Variants in NUDT3 observed in about 807,000 individuals in gnomAD.
NUDT3 encodes the protein diphosphoinositol polyphosphate phosphohydrolase 1.
A neutral mutation model predicts 23.6 loss-of-function variants in NUDT3; 9 were observed. The observed-to-expected ratio is 0.38, with a 90% confidence interval of 0.23 to 0.66. The LOEUF is 0.66. Among genes scored for constraint, NUDT3 ranks in the 30% least tolerant of loss-of-function variants. The pLI is 0.52. For synonymous variants in NUDT3, 86 were observed against 82.6 expected, an observed-to-expected ratio of 1.04 and a Z score of -0.22; for missense variants, 172 against 218.5, an observed-to-expected ratio of 0.79 and a Z score of 1.34.
At chr6:34,360,148 G>A (rs1302184611) in intron 1 of NUDT3, among the ~76,000 whole-genome samples, 4 of 149,896 alleles carry the variant, frequency 2.7e-5, no homozygotes, top group African/African-American at 7.4e-5. Flanking sequence ...AAGATCACCT[G>A]AGCCTGGGGA....
intron 2 of NUDT3, among the ~76,000 whole-genome samples, chr6:34,333,202 TA>T (rs2113728258): frequency 6.6e-6 from 1 of 152,314 alleles, no homozygotes; most frequent in East Asian, 1.9e-4. Flanking sequence ...GGGAATATTT[TA>T]GCCCTCCCCT....
intron 2 of NUDT3, among the ~76,000 whole-genome samples, chr6:34,311,954 GCAAAA>G (rs1763780012): frequency 3.3e-5 from 5 of 152,114 alleles, no homozygotes; most frequent in Admixed American, 2.0e-4. Flanking sequence ...AATGTAAAAC[GCAAAA>G]CTATAATACT....
At chr6:34,316,870 C>A (rs1763869492) in intron 2 of NUDT3, among the ~76,000 whole-genome samples, 1 of 152,118 alleles carries the variant, frequency 6.6e-6, no homozygotes, top group African/African-American at 2.4e-5. Context: ...GTGACATGAT[C>A]TGATCTGGTT....
intron 2 of NUDT3, among the ~76,000 whole-genome samples, chr6:34,319,759 A>G (rs898452938): frequency 6.6e-6 from 1 of 152,200 alleles, no homozygotes; most frequent in African/African-American, 2.4e-5. Context: ...TTCTTCCTCT[A>G]ACATATGGGG....
rs1177581674 is a variant in NUDT3 at position 34,293,470 on chromosome 6, C to T, written c.321G>A (p.Trp107Ter). 2 of 1,614,156 alleles carry T rather than the reference C, an allele frequency of 1.2e-6. No homozygotes were observed. Among genetic ancestry groups the T allele is most frequent in the South Asian group, 1.1e-5 (1 of 91,082 alleles). Residue 107 changes from tryptophan to a stop codon, truncating the protein, a stop_gained, in exon 4 of 5, where the codon TGG (tryptophan) becomes TGA (stop). Transcript: ENST00000607016. LOFTEE classifies it high-confidence loss of function. ...GCTTACCAATGTTAACTGAATCTTCCCAGTCTTCCAGCACTTCAGTGACAA... is the reference window on the plus strand; with the variant it reads ...GCTTACCAATGTTAACTGAATCTTCTCAGTCTTCCAGCACTTCAGTGACAA... ...VLIVTEVLEDWEDSVNIGRKR... is the reference protein window; with the variant it reads ...VLIVTEVLED
chr6:34,354,390 A>G (rs1012876313), intron 1 of NUDT3, among the ~76,000 whole-genome samples: 2 of 118,594 alleles, frequency 1.7e-5, no homozygotes, highest in Non-Finnish European at 3.5e-5. Flanking sequence ...GTGAGATTTC[A>G]TTAAACACAC....
At chr6:34,291,539 G>C (rs951549778) in intron 4 of NUDT3, among the ~76,000 whole-genome samples, 1 of 151,698 alleles carries the variant, frequency 6.6e-6, no homozygotes, top group Admixed American at 6.6e-5. Flanking sequence ...AGTCTTATCT[G>C]TTGCCCAGGC....
chr6:34,348,008 A>T (rs1764405756), intron 1 of NUDT3, among the ~76,000 whole-genome samples: 2 of 151,944 alleles, frequency 1.3e-5, no homozygotes, highest in South Asian at 2.1e-4. Context: ...AAATAAAAAT[A>T]AAAAATTAGG....
intron 4 of NUDT3, among the ~76,000 whole-genome samples, chr6:34,291,433 C>G (rs1271282719): frequency 6.6e-6 from 1 of 152,094 alleles, no homozygotes; most frequent in Non-Finnish European, 1.5e-5. Context: ...ACACTGATCC[C>G]CAGTCCTGCT....
At chr6:34,332,892 AG>A (rs1477721463) in intron 2 of NUDT3, among the ~76,000 whole-genome samples, 1 of 152,258 alleles carries the variant, frequency 6.6e-6, no homozygotes, top group African/African-American at 2.4e-5. Flanking sequence ...AAGAGAAGAC[AG>A]AACGGTTTCA....
Position 34,288,472 on chromosome 6 carries a change from C to A in NUDT3, c.*281G>T. On this transcript the variant is annotated 3_prime_UTR_variant, in exon 5 of 5. Coordinates refer to ENST00000607016, the MANE Select transcript of NUDT3 (RefSeq NM_006703.4). ...TCCAAGGCAGGGGAAGGCTGTTGGC[C>A]TCTCTTCAGAGGACTGCAGGGGTGG... is the stretch of plus-strand genomic sequence containing the variant. The A allele has an allele frequency of 3.4e-6, 1 of 294,556 alleles. No individual in the cohort carries two copies. Among genetic ancestry groups the A allele is most frequent in the Admixed American group, 5.2e-5 (1 of 19,400 alleles). The allele number at this position is 294,556 out of a possible 1,614,324, so 18.2% of individuals were successfully genotyped here. A position where few individuals can be genotyped will look rare whatever the true frequency, so the allele number is the denominator to read the frequency against.
intron 2 of NUDT3, among the ~76,000 whole-genome samples, chr6:34,306,289 G>A (rs1289808584): frequency 6.6e-6 from 1 of 152,150 alleles, no homozygotes; most frequent in East Asian, 1.9e-4. Context: ...TACTTCCTGT[G>A]TAGCAAGCTT....
rs888517866 is a variant in NUDT3, at chr6:34,285,215, G to A, written c.*3538C>T. The A allele has an allele frequency of 6.6e-6, 1 of 152,200 alleles. No individual in the cohort carries two copies. The highest frequency in any genetic ancestry group is 2.4e-5 in the African/African-American group (1 of 41,444). 9.4% of individuals were successfully genotyped at this position (152,200 alleles called of 1,614,324 possible). A position where few individuals can be genotyped will look rare whatever the true frequency, so the allele number is the denominator to read the frequency against. On this transcript the variant is annotated 3_prime_UTR_variant, in exon 5 of 5. Transcript: ENST00000607016. ...TCCATCCTGTTATATTTGCTGTGAGGAAAATTAAGATTCCTGTTGTATGGG... is the reference window on the plus strand; with the variant it reads ...TCCATCCTGTTATATTTGCTGTGAGAAAAATTAAGATTCCTGTTGTATGGG...
intron 1 of NUDT3, among the ~76,000 whole-genome samples, chr6:34,345,731 A>C (rs1393126297): frequency 6.6e-6 from 1 of 151,178 alleles, no homozygotes; most frequent in Non-Finnish European, 1.5e-5. Flanking sequence ...CTACACCTCA[A>C]TGGAGTAACC....
intron 4 of NUDT3, among the ~76,000 whole-genome samples, chr6:34,289,536 C>T (rs1027892536): frequency 6.6e-6 from 1 of 152,174 alleles, no homozygotes; most frequent in Admixed American, 6.5e-5. Context: ...CACTGCACTC[C>T]AGCAGGGTGA....
At chr6:34,367,557 A>C (rs2113757114) in intron 1 of NUDT3, among the ~76,000 whole-genome samples, 1 of 152,198 alleles carries the variant, frequency 6.6e-6, no homozygotes, top group Non-Finnish European at 1.5e-5. Flanking sequence ...TTTGTCATGT[A>C]AGTAAATAAA....
intron 1 of NUDT3, among the ~76,000 whole-genome samples, chr6:34,384,113 T>C (rs1765066985): frequency 6.6e-6 from 1 of 152,184 alleles, no homozygotes. Context: ...AGGTGCAGTC[T>C]GCAGAGACGT....
intron 1 of NUDT3, among the ~76,000 whole-genome samples, chr6:34,371,444 A>G (rs206924): frequency 0.33 from 49,487 of 151,750 alleles, 9,693 homozygotes; most frequent in African/African-American, 0.51. Context: ...CCAGCCTGGC[A>G]ACACAGCAAG....
At chr6:34,343,141 A>G (rs1183217195) in intron 1 of NUDT3, among the ~76,000 whole-genome samples, 1 of 152,224 alleles carries the variant, frequency 6.6e-6, no homozygotes, top group Admixed American at 6.5e-5. Flanking sequence ...ACTTACAAGT[A>G]CTATTTTTCA....
Sources: gnomAD v4.1 joint callset for allele counts (sites outside exome capture counted in the v4.1 genomes callset) on GRCh38, gnomAD v4.1.1 for gene constraint, MANE v1.5 for transcripts, NCBI Gene and HGNC (gene_info 2026-07-23, HGNC 2026-07-21) for gene names.